Variants in PTPRG observed in about 807,000 individuals in gnomAD.
PTPRG encodes the protein protein tyrosine phosphatase receptor type G.
PTPRG carries 102 observed loss-of-function variants against 165.3 expected under a neutral mutation model. The ratio of observed to expected loss-of-function variants is 0.62; its 90% CI spans 0.53 to 0.73. The LOEUF is 0.73. PTPRG is among the 30% of genes least tolerant of loss of function. The pLI is 0.00. For missense variants in PTPRG, 1,866 were observed against 1,861.4 expected (o/e 1.00, Z -0.05); for synonymous variants, 675 against 669.5 (o/e 1.01, Z -0.13).
chr3:61,926,782 G>C (rs2039224969), intron 2 of PTPRG, among the ~76,000 whole-genome samples: 1 of 151,868 alleles, frequency 6.6e-6, no homozygotes, highest in South Asian at 2.1e-4. Context: ...TACATTTTAT[G>C]GTGTTTAGTG....
At chr3:62,202,072 C>A (rs182741590) in intron 11 of PTPRG, among the ~76,000 whole-genome samples, 8 of 152,308 alleles carry the variant, frequency 5.3e-5, no homozygotes, top group Admixed American at 3.9e-4. Context: ...TTATTTACTT[C>A]TCCAGGCAGC....
At chr3:61,749,248 C>T (rs927739944) in intron 2 of PTPRG, 20 of 510,444 alleles carry the variant, frequency 3.9e-5, no homozygotes, top group South Asian at 2.7e-4. Context: ...TTGTACCAAA[C>T]TTGTAATTTT....
chr3:61,686,897 T>A (rs556247524), intron 1 of PTPRG, among the ~76,000 whole-genome samples: 4 of 152,188 alleles, frequency 2.6e-5, no homozygotes, highest in Non-Finnish European at 5.9e-5. Context: ...GTATTAATGG[T>A]TGGTGTTGTC....
At position 62,191,321 on chromosome 3, in the gene PTPRG, C is replaced by T. The variant is rs542447647; in HGVS notation, c.1034-148C>T. ...ACAATGTTCTCCCTCTCTCTCTACA[C>T]ACACAATGTTAAGAGGACCCAGGAG... is the stretch of plus-strand genomic sequence containing the variant. On this transcript the variant is annotated intron_variant, in intron 8 of 29. Coordinates refer to ENST00000474889, the MANE Select transcript of PTPRG (RefSeq NM_002841.4). 77 of 636,022 alleles carry T rather than the reference C, an allele frequency of 1.2e-4. 1 individual carries two copies. Among genetic ancestry groups the T allele is most frequent in the African/African-American group, 1.1e-3 (59 of 54,364 alleles). 39.4% of individuals were successfully genotyped at this position (636,022 alleles called of 1,614,324 possible).
chr3:62,277,651 T>C lies in PTPRG; in HGVS notation c.3737T>C (p.Ile1246Thr), dbSNP rs372467538. The C allele has an allele frequency of 4.3e-6, 7 of 1,612,800 alleles. No homozygotes were observed. The highest frequency in any genetic ancestry group is 2.2e-5 in the South Asian group (2 of 91,042). ...ATTTGGGATCATAACGCACAGATCA[T>C]TGTCATGCTGCCAGACAACCAGAGC... Reference protein sequence around the residue: ...RMIWDHNAQIIVMLPDNQSLA... With the variant: ...RMIWDHNAQITVMLPDNQSLA... The change falls in exon 26 of 30, where the codon ATT becomes ACT. Residue 1246 changes from isoleucine to threonine, a missense_variant. By Grantham distance (89) the Ile-to-Thr change is moderately conservative. Transcript: ENST00000474889.
intron 6 of PTPRG, among the ~76,000 whole-genome samples, chr3:62,138,041 C>G (rs925981606): frequency 6.6e-6 from 1 of 152,328 alleles, no homozygotes. Flanking sequence ...CTTCAAGGCT[C>G]TCTTCTCTTT....
intron 1 of PTPRG, among the ~76,000 whole-genome samples, chr3:61,578,517 A>G (rs538515991): frequency 4.0e-4 from 61 of 152,318 alleles, no homozygotes; most frequent in African/African-American, 1.4e-3. Context: ...GAGACATCCA[A>G]AATCCCCTCT....
intron 2 of PTPRG, among the ~76,000 whole-genome samples, chr3:61,821,421 G>A (rs980778452): frequency 2.6e-5 from 4 of 152,084 alleles, no homozygotes; most frequent in African/African-American, 9.7e-5. Flanking sequence ...CACCCGCCTC[G>A]GCCTCCCAAA....
chr3:62,191,310 C>T (rs1438520515), intron 8 of PTPRG, among the ~76,000 whole-genome samples, 159 bp from the exon 9 acceptor site: 2 of 152,068 alleles, frequency 1.3e-5, no homozygotes, highest in Non-Finnish European at 2.9e-5. Flanking sequence ...TGTTCTCCCT[C>T]TCTCTCTACA....
chr3:62,231,201 C>T, intron 13 of PTPRG, 24 bp from the exon 14 acceptor site: 2 of 1,513,766 alleles, frequency 1.3e-6, no homozygotes, highest in Non-Finnish European at 1.8e-6. Context: ...TACACCTGTT[C>T]TCTTTTGTTT....
chr3:61,947,997 G>A (rs2039805351), intron 2 of PTPRG, among the ~76,000 whole-genome samples: 1 of 152,070 alleles, frequency 6.6e-6, no homozygotes, highest in Admixed American at 6.6e-5. Flanking sequence ...TGCTGGCCAG[G>A]CACGGAAAAC....
chr3:61,958,681 T>C (rs923140605), intron 2 of PTPRG, among the ~76,000 whole-genome samples: 8 of 152,188 alleles, frequency 5.3e-5, no homozygotes, highest in Non-Finnish European at 1.2e-4. Flanking sequence ...TGGCAAAGTC[T>C]TCAAAGGTAG....
intron 5 of PTPRG, among the ~76,000 whole-genome samples, chr3:62,113,001 A>T (rs1021996844): frequency 3.3e-5 from 5 of 152,194 alleles, no homozygotes; most frequent in African/African-American, 1.2e-4. Context: ...ATAGAGAATC[A>T]TATGTATCAC....
chr3:62,185,023 G>A (rs144977762), intron 8 of PTPRG, among the ~76,000 whole-genome samples: 1 of 151,840 alleles, frequency 6.6e-6, no homozygotes, highest in Non-Finnish European at 1.5e-5. Flanking sequence ...AGAGGATGGG[G>A]TGGGGGTGGG....
rs1054826182 is a variant in PTPRG at position 61,916,669 on chromosome 3, T to C, written c.191-72956T>C. ...TAATCATTATATGTTTTTAATTGCT[T>C]GCATGTGTTAGGTTTCATACATGTT... On this transcript the variant is annotated intron_variant, in intron 2 of 29. Transcript: ENST00000474889. 2.0e-5 allele frequency among the ~76,000 whole-genome samples: 3 copies of C among 152,250 alleles called. 1 individual carries two copies. Among genetic ancestry groups the C allele is most frequent in the African/African-American group, 7.2e-5 (3 of 41,472 alleles).
chr3:62,212,778 G>C (rs1007732453), intron 12 of PTPRG, among the ~76,000 whole-genome samples: 1 of 152,160 alleles, frequency 6.6e-6, no homozygotes, highest in Non-Finnish European at 1.5e-5. Context: ...TGCCAACCTT[G>C]AACATTTCTA....
chr3:61,988,071 C>A (rs1417438340), intron 2 of PTPRG, among the ~76,000 whole-genome samples: 2 of 152,066 alleles, frequency 1.3e-5, no homozygotes, highest in Non-Finnish European at 2.9e-5. Context: ...GATAGTAGCG[C>A]GACACTTATA....
At chr3:61,805,530 CAA>C (rs58646519) in intron 2 of PTPRG, among the ~76,000 whole-genome samples, 29 of 96,498 alleles carry the variant, frequency 3.0e-4, no homozygotes, top group Non-Finnish European at 3.5e-4. Context: ...ATGGGAAAGA[CAA>C]AAAAAAAAAA....
At chr3:61,939,986 C>G (rs1268046234) in intron 2 of PTPRG, among the ~76,000 whole-genome samples, 1 of 108,550 alleles carries the variant, frequency 9.2e-6, no homozygotes, top group East Asian at 3.0e-4. Context: ...GCTCTGTTGC[C>G]CAGGCTGGAG....
Sources: allele counts gnomAD v4.1 joint callset (sites outside exome capture counted in the v4.1 genomes callset), GRCh38; gene constraint gnomAD v4.1.1; transcripts MANE v1.5; gene names NCBI Gene and HGNC (gene_info 2026-07-23, HGNC 2026-07-21).